Variants in MYO18B observed in about 807,000 individuals in gnomAD.
MYO18B encodes the protein myosin XVIIIB, also known as unconventional myosin-XVIIIb.
A neutral mutation model predicts 273.0 loss-of-function variants in MYO18B; 204 were observed. That is an observed-to-expected ratio of 0.75 (90% confidence interval 0.67 to 0.84). The LOEUF (loss-of-function observed/expected upper bound fraction) is 0.84, where lower values mean the gene tolerates loss of function less well. Ranked by LOEUF, MYO18B falls within the 40% of genes least tolerant of loss-of-function variation. The pLI, the probability that MYO18B is intolerant of heterozygous loss-of-function variation, is 0.00. For synonymous variants in MYO18B, 1,330 were observed against 1,305.7 expected (o/e 1.02, Z -0.40); for missense variants, 3,212 against 3,287.6 (o/e 0.98, Z 0.56).
chr22:26,057,754 G>T, the MYO18B span, among the ~76,000 whole-genome samples: 1 of 152,078 alleles, frequency 6.6e-6, no homozygotes. Context: ...CCCACAGAGG[G>T]CTAGAAACTT....
chr22:25,884,382 G>A (rs1479512264), intron 25 of MYO18B, among the ~76,000 whole-genome samples: 1 of 152,164 alleles, frequency 6.6e-6, no homozygotes, highest in Non-Finnish European at 1.5e-5. Context: ...GTGAGGAACT[G>A]GACTGGTAGC....
chr22:25,809,706 C>G (rs902928255), intron 12 of MYO18B, among the ~76,000 whole-genome samples: 17 of 151,982 alleles, frequency 1.1e-4, no homozygotes, highest in African/African-American at 4.1e-4. Context: ...GAGACAATAT[C>G]AATAATGACA....
intron 42 of MYO18B, among the ~76,000 whole-genome samples, chr22:26,019,545 TC>T (rs1179831803): frequency 6.6e-6 from 1 of 152,214 alleles, no homozygotes; most frequent in Non-Finnish European, 1.5e-5. Flanking sequence ...TGCCTCCCAT[TC>T]CCTGCATAAT....
chr22:25,943,129 G>A (rs2092664249), intron 34 of MYO18B, among the ~76,000 whole-genome samples: 1 of 152,012 alleles, frequency 6.6e-6, no homozygotes, highest in South Asian at 2.1e-4. Context: ...CTTGCCTCCT[G>A]GCTCCCAGCC....
At chr22:25,890,617 C>A in intron 25 of MYO18B, 139 bp from the exon 26 acceptor site, 1 of 1,241,926 alleles carries the variant, frequency 8.1e-7, no homozygotes, top group African/African-American at 1.5e-5. Context: ...TGAAGTCCAT[C>A]CTCTTAACGA....
intron 39 of MYO18B, among the ~76,000 whole-genome samples, chr22:25,960,869 C>T (rs544361833): frequency 6.6e-6 from 1 of 152,202 alleles, no homozygotes; most frequent in East Asian, 1.9e-4. Context: ...TTTTATGGGG[C>T]CGGATATGTT....
chr22:25,908,287 G>T, intron 31 of MYO18B, 35 bp from the exon 32 acceptor site: 1 of 1,521,244 alleles, frequency 6.6e-7, no homozygotes, highest in Non-Finnish European at 8.9e-7. Flanking sequence ...GTTAGAGTGG[G>T]TCACCCTCAC....
intron 34 of MYO18B, among the ~76,000 whole-genome samples, chr22:25,925,755 A>C (rs2092411214): frequency 6.6e-6 from 1 of 151,726 alleles, no homozygotes; most frequent in South Asian, 2.1e-4. Flanking sequence ...AAATACAAAA[A>C]TTAGCCCGGT....
intron 12 of MYO18B, among the ~76,000 whole-genome samples, chr22:25,799,978 T>TAC (rs1491531667): frequency 9.6e-6 from 1 of 104,414 alleles, no homozygotes; most frequent in African/African-American, 3.2e-5. Context: ...TATATATATA[T>TAC]ACACACACAC....
intron 18 of MYO18B, among the ~76,000 whole-genome samples, chr22:25,845,512 T>C (rs572991125): frequency 6.6e-6 from 1 of 152,096 alleles, no homozygotes; most frequent in South Asian, 2.1e-4. Flanking sequence ...CAAGACTCCA[T>C]CTCAAAAAAA....
chr22:25,955,712 C>T (rs915420222), intron 39 of MYO18B, among the ~76,000 whole-genome samples: 2 of 152,172 alleles, frequency 1.3e-5, no homozygotes, highest in East Asian at 1.9e-4. Context: ...TATTTATTAA[C>T]GGCCTATCTT....
chr22:25,798,154 C>T (rs2088012833), intron 12 of MYO18B, 57 bp downstream of exon 12: 5 of 1,526,190 alleles, frequency 3.3e-6, no homozygotes, highest in South Asian at 1.3e-5. Context: ...TGGCAGGTGC[C>T]TGACAAGGCC....
intron 43 of MYO18B, among the ~76,000 whole-genome samples, chr22:26,029,113 T>C (rs1399982049): frequency 2.6e-5 from 4 of 152,204 alleles, no homozygotes; most frequent in South Asian, 2.1e-4. Flanking sequence ...CATTTATCTT[T>C]AAAAGTTTTC....
rs144227253 is a variant in MYO18B, at chr22:25,883,535, A to G, written c.4314+5487A>G. ...GCCTGTCCTGGGACCACACTTTGAG[A>G]CACATTAGGCCAGAGAACAGCTAGA... On this transcript the variant is annotated intron_variant, in intron 25 of 43. Coordinates refer to ENST00000335473, the MANE Select transcript of MYO18B (RefSeq NM_032608.7). The surrounding 1 kb of genome is among the most constrained non-coding windows in gnomAD (Gnocchi z 7.6). 86 of 152,284 alleles carry G rather than the reference A, an allele frequency of 5.6e-4. No homozygotes were observed. Among genetic ancestry groups the G allele is most frequent in the African/African-American group, 2.0e-3 (84 of 41,542 alleles). 9.4% of individuals were successfully genotyped at this position (152,284 alleles called of 1,614,324 possible). A position where few individuals can be genotyped will look rare whatever the true frequency, so the allele number is the denominator to read the frequency against.
intron 34 of MYO18B, among the ~76,000 whole-genome samples, chr22:25,925,549 C>G (rs1696640234): frequency 6.6e-6 from 1 of 152,120 alleles, no homozygotes; most frequent in Non-Finnish European, 1.5e-5. Flanking sequence ...AGCGAAGCAT[C>G]ATCATCATCA....
At chr22:25,929,182 G>A (rs1300735783) in intron 34 of MYO18B, among the ~76,000 whole-genome samples, 3 of 132,746 alleles carry the variant, frequency 2.3e-5, no homozygotes, top group East Asian at 2.1e-4. Flanking sequence ...AAAAAAGACA[G>A]TGATCTCAAA....
chr22:26,028,033 C>A (rs59629021), intron 43 of MYO18B, among the ~76,000 whole-genome samples: 227 of 151,894 alleles, frequency 1.5e-3, no homozygotes, highest in African/African-American at 5.3e-3. Flanking sequence ...CACCTAAGGT[C>A]AGGAGTTTGA....
chr22:25,835,244 A>C, intron 16 of MYO18B, 52 bp from the exon 17 acceptor site: 1 of 1,575,034 alleles, frequency 6.3e-7, no homozygotes, highest in South Asian at 1.2e-5. Flanking sequence ...AGCCCAAGAC[A>C]GGCTTCTGAT....
chr22:25,785,857 G>C (rs572644411), intron 11 of MYO18B, among the ~76,000 whole-genome samples: 15 of 152,194 alleles, frequency 9.9e-5, no homozygotes, highest in African/African-American at 2.9e-4. Flanking sequence ...TGCCTCATAG[G>C]GTTGTTGTGA....
Sources: gnomAD v4.1 joint callset for allele counts (sites outside exome capture counted in the v4.1 genomes callset) on GRCh38, gnomAD v4.1.1 for gene constraint, Gnocchi (gnomAD v3.1) non-coding constraint, MANE v1.5 for transcripts, NCBI Gene and HGNC (gene_info 2026-07-23, HGNC 2026-07-21) for gene names.